The following CCDC150 variants were observed in gnomAD, a reference collection of about 807,000 sequenced individuals.
CCDC150 encodes the protein coiled-coil domain containing 150, also known as coiled-coil domain-containing protein 150.
A neutral mutation model predicts 156.5 loss-of-function variants in CCDC150; 151 were observed. The observed-to-expected ratio is 0.97, with a 90% confidence interval of 0.85 to 1.10. CCDC150 has a LOEUF of 1.10. Ranked by LOEUF, CCDC150 falls within the 50% of genes least tolerant of loss-of-function variation. The pLI, the probability that CCDC150 is intolerant of heterozygous loss-of-function variation, is 0.00. For missense variants in CCDC150, 1,312 were observed against 1,268.1 expected (o/e 1.03, Z -0.53); for synonymous variants, 452 against 429.4 (o/e 1.05, Z -0.65).
At chr2:196,716,608 TAGAG>T (rs1021611380) in intron 17 of CCDC150, among the ~76,000 whole-genome samples, 12 of 152,142 alleles carry the variant, frequency 7.9e-5, no homozygotes, top group African/African-American at 2.7e-4. Context: ...AGTGTGGGAA[TAGAG>T]AGAGACAGAA....
intron 21 of CCDC150, among the ~76,000 whole-genome samples, chr2:196,724,320 T>C (rs1698088685): frequency 6.6e-6 from 1 of 152,120 alleles, no homozygotes; most frequent in Non-Finnish European, 1.5e-5. Context: ...TGAAGTGCTA[T>C]GTAGGGGCTC....
rs773250406 is a variant in CCDC150, at chr2:196,646,329, C to G, written c.13-12C>G. The G allele has an allele frequency of 8.1e-6, 13 of 1,611,662 alleles. No homozygotes were observed. The highest frequency in any genetic ancestry group is 1.1e-5 in the Non-Finnish European group (13 of 1,178,014). On this transcript the variant is annotated splice_polypyrimidine_tract_variant and intron_variant, in intron 1 of 27. Transcript: ENST00000389175. ...AGGACCTACCACACTAAGATTGTGA[C>G]TGTATTCTTAGGTACATATGGAAAC...
At chr2:196,695,788 G>A (rs1329333532) in intron 14 of CCDC150, among the ~76,000 whole-genome samples, 1 of 149,500 alleles carries the variant, frequency 6.7e-6, no homozygotes, top group Non-Finnish European at 1.5e-5. Flanking sequence ...TCCAACCTGG[G>A]CGACAGAGCG....
Position 196,676,142 on chromosome 2 carries a change from G to A in CCDC150, c.1138-1G>A, listed in dbSNP as rs368403513. ...CTTCTAATATTGCTTTTAACACTCA[G>A]GTAGAGCAGAAAATGATGACGCAGA... On this transcript the variant is annotated splice_acceptor_variant, in intron 10 of 27. Coordinates refer to ENST00000389175, the MANE Select transcript of CCDC150 (RefSeq NM_001080539.2). LOFTEE classifies it high-confidence loss of function. 18 of 1,613,306 alleles carry A rather than the reference G, an allele frequency of 1.1e-5. No homozygotes were observed. The highest frequency in any genetic ancestry group is 1.5e-5 in the Non-Finnish European group (18 of 1,179,566).
intron 17 of CCDC150, among the ~76,000 whole-genome samples, chr2:196,714,095 A>T (rs1406503872): frequency 6.6e-6 from 1 of 152,204 alleles, no homozygotes; most frequent in Non-Finnish European, 1.5e-5. Context: ...AGAAATAGAA[A>T]ATACTATAGC....
At chr2:196,699,654 G>A (rs1696071484) in intron 14 of CCDC150, among the ~76,000 whole-genome samples, 1 of 151,944 alleles carries the variant, frequency 6.6e-6, no homozygotes, top group South Asian at 2.1e-4. Flanking sequence ...CAAGTAACTA[G>A]GACTACAGGC....
chr2:196,679,039 A>G (rs1052818254), intron 13 of CCDC150, among the ~76,000 whole-genome samples: 5 of 152,212 alleles, frequency 3.3e-5, no homozygotes, highest in Admixed American at 1.3e-4. Context: ...GCTGAAAGAT[A>G]CTTGTTCATT....
chr2:196,719,786 G>A, intron 19 of CCDC150, 120 bp downstream of exon 19: 1 of 611,474 alleles, frequency 1.6e-6, no homozygotes, highest in Non-Finnish European at 2.5e-6. Flanking sequence ...ATTGCAAAAT[G>A]ATATGTTGAA....
chr2:196,676,043 T>A (rs1694478813), intron 10 of CCDC150, 100 bp from the exon 11 acceptor site: 1 of 1,142,138 alleles, frequency 8.8e-7, no homozygotes, highest in Admixed American at 2.4e-5. Context: ...GAAACTTGTT[T>A]TTTTAAGTTA....
chr2:196,678,798 C>T (rs1694652932), intron 13 of CCDC150, among the ~76,000 whole-genome samples: 2 of 152,084 alleles, frequency 1.3e-5, no homozygotes, highest in South Asian at 4.1e-4. Context: ...CCCAGCTACT[C>T]GGGTGACTGA....
chr2:196,685,232 A>G (rs1037358887), intron 13 of CCDC150, among the ~76,000 whole-genome samples: 9 of 152,214 alleles, frequency 5.9e-5, no homozygotes, highest in South Asian at 2.1e-4. Context: ...AAAAAGAATT[A>G]CAAACAAAAA....
At chr2:196,698,441 T>G (rs1017275276) in intron 14 of CCDC150, among the ~76,000 whole-genome samples, 1 of 152,204 alleles carries the variant, frequency 6.6e-6, no homozygotes, top group African/African-American at 2.4e-5. Context: ...ATTGTATTGA[T>G]AGGGAAAAAG....
In CCDC150 at chr2:196,729,844, A is replaced by G; in HGVS notation, c.2803A>G (p.Lys935Glu). 1 of 1,600,806 alleles carries G rather than the reference A, an allele frequency of 6.2e-7. No homozygotes were observed. Among genetic ancestry groups the G allele is most frequent in the Non-Finnish European group, 8.5e-7 (1 of 1,171,474 alleles). Residue 935 changes from lysine (K) to glutamate (E), a missense_variant, in exon 24 of 28, where the codon AAA becomes GAA. Lys to Glu is a moderately conservative substitution (Grantham distance 56). Transcript: ENST00000389175. Reference sequence around the variant, plus strand: ...GGAGCTAATTAAGGATCAATATCAGAAAAAGAACTATGAACAGGTAGATGA... The same window carrying G: ...GGAGCTAATTAAGGATCAATATCAGGAAAAGAACTATGAACAGGTAGATGA... ...QMELIKDQYQ[K>E]KNYEQSLSIQ...
rs763536201 is a variant in CCDC150 at position 196,676,155 on chromosome 2, A to C, written c.1150A>C (p.Met384Leu). 1 of 1,613,672 alleles carries C rather than the reference A, an allele frequency of 6.2e-7. No individual in the cohort carries two copies. Among genetic ancestry groups the C allele is most frequent in the Non-Finnish European group, 8.5e-7 (1 of 1,179,660 alleles). The change falls in exon 11 of 28, where the codon ATG (methionine) becomes CTG (leucine). Residue 384 changes from methionine (M) to leucine (L), a missense_variant. Met to Leu is a conservative substitution (Grantham distance 15, BLOSUM62 2). Coordinates refer to ENST00000389175, the MANE Select transcript of CCDC150 (RefSeq NM_001080539.2). ...HQAILQVEQK[M>L]MTQTFQEQNL... ...TTTTAACACTCAGGTAGAGCAGAAA[A>C]TGATGACGCAGACATTTCAAGAACA...
chr2:196,719,484 C>A lies in CCDC150; in HGVS notation c.1996-13C>A. ...AGGATCAAATGTCTTTGTGTTGTTT[C>A]ATTTTCTGTTAGGTGGGAAACTTTC... On this transcript the variant is annotated splice_polypyrimidine_tract_variant and intron_variant, in intron 18 of 27. Transcript: ENST00000389175. 1 of 1,602,994 alleles carries A rather than the reference C, an allele frequency of 6.2e-7. No individual in the cohort carries two copies. The highest frequency in any genetic ancestry group is 8.5e-7 in the Non-Finnish European group (1 of 1,174,924).
intron 6 of CCDC150, among the ~76,000 whole-genome samples, chr2:196,665,886 C>G (rs1212587479): frequency 1.3e-5 from 2 of 152,052 alleles, no homozygotes; most frequent in East Asian, 3.8e-4. Context: ...TTATTCAACA[C>G]TCTTAATTTA....
chr2:196,714,360 C>G (rs995582552), intron 17 of CCDC150, among the ~76,000 whole-genome samples: 3 of 152,142 alleles, frequency 2.0e-5, no homozygotes, highest in East Asian at 1.9e-4. Flanking sequence ...ATTAAAGGCT[C>G]AGGTGAATTG....
rs1559276051 is a variant in CCDC150, at chr2:196,721,353, C to CGT, written c.2260-169_2260-168insGT. 1.1e-4 allele frequency among the ~76,000 whole-genome samples: 15 copies of CGT among 133,156 alleles called. No homozygotes were observed. The East Asian group carries it at 1.7e-3, about 15-fold the overall frequency. 87.4% of individuals were successfully genotyped at this position (133,156 alleles called of 152,430 possible). On this transcript the variant is annotated intron_variant, in intron 20 of 27. Transcript: ENST00000389175. ...GAGTTCTCATTCATATATGTGTGTG[C>CGT]ATATATATATATATATTTTCCAGGC...
chr2:196,700,587 C>T (rs1105061), intron 14 of CCDC150, among the ~76,000 whole-genome samples: 119,311 of 152,172 alleles, frequency 0.78, 46,998 homozygotes, highest in East Asian at 0.97. Flanking sequence ...GCTTTGGTAA[C>T]GTTTGCCCCA....
Sources: gnomAD v4.1 joint callset for allele counts (sites outside exome capture counted in the v4.1 genomes callset) on GRCh38, gnomAD v4.1.1 for gene constraint, MANE v1.5 for transcripts, NCBI Gene and HGNC (gene_info 2026-07-23, HGNC 2026-07-21) for gene names.